EARS2: variants seen among roughly 807,000 people sequenced by gnomAD.
EARS2 encodes the protein glutamyl-tRNA synthetase 2, mitochondrial.
EARS2 carries 50 observed loss-of-function variants against 54.1 expected under a neutral mutation model. The observed-to-expected ratio is 0.92, with a 90% CI of 0.74 to 1.17. The LOEUF is 1.17. EARS2 is among the 50% of genes most tolerant of loss of function. EARS2 has a pLI of 0.00. For missense variants in EARS2, 673 were observed against 675.0 expected (o/e 1.00, Z 0.03); for synonymous variants, 298 against 281.0 (o/e 1.06, Z -0.61).
intron 1 of EARS2, among the ~76,000 whole-genome samples, chr16:23,554,208 C>T (rs1965740797): frequency 6.6e-6 from 1 of 151,624 alleles, no homozygotes; most frequent in Non-Finnish European, 1.5e-5. Flanking sequence ...TTTGCAGAGG[C>T]AAGGTCTCAC....
At chr16:23,551,458 A>G (rs987443263) in intron 2 of EARS2, among the ~76,000 whole-genome samples, 3 of 152,112 alleles carry the variant, frequency 2.0e-5, no homozygotes, top group Non-Finnish European at 2.9e-5. Context: ...TCTACAAAAA[A>G]ATTAAAAATT....
chr16:23,541,492 C>T (rs527991463), intron 3 of EARS2, among the ~76,000 whole-genome samples: 2 of 152,262 alleles, frequency 1.3e-5, no homozygotes, highest in African/African-American at 2.4e-5. Flanking sequence ...TGGTAAATTG[C>T]ACCACATAGC....
intron 2 of EARS2, chr16:23,546,431 T>C (rs546667127): frequency 4.4e-5 from 20 of 455,966 alleles, no homozygotes; most frequent in Non-Finnish European, 7.1e-5. Context: ...CTCTGGGTTC[T>C]CATCTGTCAA....
At chr16:23,534,066 A>G (rs899286474) in intron 4 of EARS2, among the ~76,000 whole-genome samples, 1 of 152,100 alleles carries the variant, frequency 6.6e-6, no homozygotes, top group Admixed American at 6.6e-5. Flanking sequence ...AAAAAAAAAA[A>G]AAAGTTAAGA....
intron 5 of EARS2, among the ~76,000 whole-genome samples, chr16:23,530,585 C>T (rs994348260): frequency 1.3e-5 from 2 of 152,078 alleles, no homozygotes; most frequent in East Asian, 3.9e-4. Context: ...CCTGGAGAAG[C>T]TTTTGGCCAG....
intron 3 of EARS2, among the ~76,000 whole-genome samples, chr16:23,541,699 C>CCTTTTTTTT (rs397708106): frequency 2.4e-5 from 1 of 42,160 alleles, no homozygotes; most frequent in Non-Finnish European, 1.1e-4. Context: ...TGTGGATCTT[C>CCTTTTTTTT]TTTTTTTTTT....
At chr16:23,556,685 A>C (rs747351225) in intron 1 of EARS2, 18 of 353,836 alleles carry the variant, frequency 5.1e-5, no homozygotes, top group Non-Finnish European at 8.8e-5. Context: ...TATAGGCTTC[A>C]CATAGCGTGC....
intron 1 of EARS2, among the ~76,000 whole-genome samples, chr16:23,554,666 C>G (rs1456661470): frequency 6.6e-6 from 1 of 152,180 alleles, no homozygotes; most frequent in Non-Finnish European, 1.5e-5. Flanking sequence ...CAGTGGTATT[C>G]AGTGGCACTG....
Position 23,523,732 on chromosome 16 carries a change from G to C in EARS2, c.*639C>G, listed in dbSNP as rs1965178070. 1.3e-5 allele frequency: 2 copies of C among 152,266 alleles called. No individual in the cohort carries two copies. The highest frequency in any genetic ancestry group is 4.1e-4 in the South Asian group (2 of 4,830). The allele number at this position is 152,266 out of a possible 1,614,324, so 9.4% of individuals were successfully genotyped here. The stretch of plus-strand genomic sequence containing the variant: ...ACCTCAGAATGAGACTGTACTTGGA[G>C]ATTGAGCATTTAAAGAGGTGATTAA... On this transcript the variant is annotated 3_prime_UTR_variant, in exon 9 of 9. Coordinates refer to ENST00000449606, the MANE Select transcript of EARS2 (RefSeq NM_001083614.2).
intron 1 of EARS2, among the ~76,000 whole-genome samples, chr16:23,554,592 C>G (rs1965746698): frequency 6.6e-6 from 1 of 152,182 alleles, no homozygotes. Flanking sequence ...TGGGGCCAGG[C>G]CGACCCTGCT....
chr16:23,549,876 C>T (rs2142192410), intron 2 of EARS2, among the ~76,000 whole-genome samples: 1 of 152,278 alleles, frequency 6.6e-6, no homozygotes, highest in African/African-American at 2.4e-5. Context: ...TCTGCATTGG[C>T]TATTCTTTTT....
intron 3 of EARS2, among the ~76,000 whole-genome samples, chr16:23,540,201 G>A (rs1226424775): frequency 1.3e-5 from 2 of 152,066 alleles, no homozygotes; most frequent in Non-Finnish European, 1.5e-5. Context: ...ACATGGCTGT[G>A]GTCACAGCTA....
intron 2 of EARS2, among the ~76,000 whole-genome samples, chr16:23,551,490 C>T (rs1965694345): frequency 6.6e-6 from 1 of 152,060 alleles, no homozygotes; most frequent in Non-Finnish European, 1.5e-5. Context: ...GTGGTGCGTG[C>T]CTGTAGTCCC....
At chr16:23,526,302 G>C (rs916705270) in intron 7 of EARS2, among the ~76,000 whole-genome samples, 14 of 152,032 alleles carry the variant, frequency 9.2e-5, no homozygotes, top group Admixed American at 3.9e-4. Context: ...AGTAGAGACA[G>C]GGTTTTACCA....
intron 7 of EARS2, among the ~76,000 whole-genome samples, chr16:23,528,399 C>T (rs757581095): frequency 2.6e-5 from 4 of 152,350 alleles, no homozygotes; most frequent in East Asian, 1.9e-4. Flanking sequence ...GGCCCCAGGC[C>T]GGGAACAATG....
chr16:23,541,764 G>A (rs543264478), intron 3 of EARS2, among the ~76,000 whole-genome samples: 2 of 150,580 alleles, frequency 1.3e-5, no homozygotes, highest in African/African-American at 4.9e-5. Context: ...CACAATCTCA[G>A]CTCACTGCAA....
intron 1 of EARS2, 74 bp downstream of exon 1, chr16:23,557,131 T>C (rs779130268): frequency 6.7e-7 from 1 of 1,484,416 alleles, no homozygotes. Context: ...CGGAAAGGAT[T>C]CATTCGGGAA....
At chr16:23,541,539 G>A (rs2142180296) in intron 3 of EARS2, among the ~76,000 whole-genome samples, 1 of 152,148 alleles carries the variant, frequency 6.6e-6, no homozygotes, top group Non-Finnish European at 1.5e-5. Flanking sequence ...ATGTGAATAA[G>A]GAAAAAGAGA....
chr16:23,555,727 C>T (rs189325777), intron 1 of EARS2, among the ~76,000 whole-genome samples: 31 of 152,356 alleles, frequency 2.0e-4, no homozygotes, highest in African/African-American at 6.7e-4. Flanking sequence ...CTCACTCTGT[C>T]ACCCGGGCTG....
Sources: allele counts gnomAD v4.1 joint callset (sites outside exome capture counted in the v4.1 genomes callset), GRCh38; gene constraint gnomAD v4.1.1; transcripts MANE v1.5; gene names NCBI Gene and HGNC (gene_info 2026-07-23, HGNC 2026-07-21).